Variants in KLRG1 observed in about 807,000 individuals in gnomAD.
KLRG1 encodes the protein killer cell lectin like receptor G1.
Under a neutral mutation model 21.8 loss-of-function variants are expected in KLRG1, and 16 were observed. That is an observed-to-expected ratio of 0.73 (90% CI 0.50 to 1.11). KLRG1 has a LOEUF of 1.11. KLRG1 is among the 50% of genes most tolerant of loss of function. The probability of loss-of-function intolerance (pLI) is 0.00; values close to 1 mark genes in which losing one functional copy is unlikely to be tolerated. For synonymous variants in KLRG1, 69 were observed against 75.9 expected, an observed-to-expected ratio of 0.91 and a Z score of 0.47; for missense variants, 173 against 218.3, an observed-to-expected ratio of 0.79 and a Z score of 1.31.
chr12:9,068,307 AG>A, the KLRG1 span: 1 of 1,425,160 alleles, frequency 7.0e-7, no homozygotes, highest in Admixed American at 2.0e-5. Flanking sequence ...ATACAGGCCA[AG>A]GAAGGAGTTT....
the KLRG1 span, chr12:9,200,798 G>T: frequency 7.5e-7 from 1 of 1,338,928 alleles, no homozygotes; most frequent in Non-Finnish European, 1.0e-6. Context: ...TCTACTGCAA[G>T]TTCAACATAT....
the KLRG1 span, among the ~76,000 whole-genome samples, chr12:9,023,676 C>G: frequency 2.0e-5 from 3 of 151,982 alleles, no homozygotes; most frequent in Middle Eastern, 6.8e-3. Context: ...TTGCCTCAGC[C>G]TCACAGCTAG....
At position 8,967,679 on chromosome 12, in the gene KLRG1, C is replaced by A. The variant is rs977033297; in HGVS notation, c.-156+17443C>A. Among the ~76,000 whole-genome samples, 27 of 152,056 alleles carry A rather than the reference C, an allele frequency of 1.8e-4. 1 individual carries two copies. Among genetic ancestry groups the A allele is most frequent in the African/African-American group, 6.3e-4 (26 of 41,402 alleles). Reference sequence around the variant, plus strand: ...AGGCTCAATATATGAAACAATGGTTCCATGTATTTTCTGCACTGCAGCCTG... The same window carrying A: ...AGGCTCAATATATGAAACAATGGTTACATGTATTTTCTGCACTGCAGCCTG... On this transcript the variant is annotated intron_variant, in intron 1 of 4. Transcript: ENST00000539240.
At chr12:9,188,026 T>C in the KLRG1 span, among the ~76,000 whole-genome samples, 1 of 152,200 alleles carries the variant, frequency 6.6e-6, no homozygotes, top group Non-Finnish European at 1.5e-5. Flanking sequence ...ACATAAAAAA[T>C]AGTCTGGCCA....
the KLRG1 span, chr12:9,089,245 CT>C: frequency 6.3e-7 from 1 of 1,585,322 alleles, no homozygotes; most frequent in Non-Finnish European, 8.6e-7. Flanking sequence ...TTCTCTAGTC[CT>C]TCAGGCTTTA....
chr12:9,078,646 C>A, the KLRG1 span, among the ~76,000 whole-genome samples: 1 of 152,184 alleles, frequency 6.6e-6, no homozygotes, highest in East Asian at 1.9e-4. Context: ...AACAAATTTA[C>A]ATTCAAGTAA....
chr12:9,053,565 A>T, the KLRG1 span, among the ~76,000 whole-genome samples: 4 of 151,874 alleles, frequency 2.6e-5, no homozygotes, highest in African/African-American at 2.4e-5. Context: ...ATCACCACTA[A>T]GGAAACCATC....
chr12:8,978,652 CTTTCT>C (rs1946700341), intron 1 of KLRG1, among the ~76,000 whole-genome samples: 3 of 134,300 alleles, frequency 2.2e-5, no homozygotes, highest in South Asian at 4.6e-4. Flanking sequence ...TTCTTTCTTT[CTTTCT>C]TTCTTTCTTT....
intron 3 of KLRG1, among the ~76,000 whole-genome samples, chr12:9,004,250 C>G (rs1407545883): frequency 6.6e-6 from 1 of 152,132 alleles, no homozygotes; most frequent in African/African-American, 2.4e-5. Flanking sequence ...AATGGTATTT[C>G]TAGTTCTAGA....
At chr12:8,982,492 A>G (rs74753972) in intron 1 of KLRG1, among the ~76,000 whole-genome samples, 51,195 of 152,026 alleles carry the variant, frequency 0.34, 8,952 homozygotes, top group Admixed American at 0.4. Context: ...GTGTTAGGTT[A>G]TGTGTTACAG....
At chr12:8,961,009 C>G (rs1946372400) in intron 1 of KLRG1, among the ~76,000 whole-genome samples, 1 of 152,102 alleles carries the variant, frequency 6.6e-6, no homozygotes, top group Non-Finnish European at 1.5e-5. Context: ...AATCCCTGTA[C>G]CAACTCAGCA....
At chr12:9,046,896 C>T in the KLRG1 span, among the ~76,000 whole-genome samples, 2 of 151,932 alleles carry the variant, frequency 1.3e-5, no homozygotes, top group African/African-American at 4.8e-5. Context: ...ACCTTGTCAC[C>T]CAGGTTGGAG....
the KLRG1 span, among the ~76,000 whole-genome samples, chr12:9,190,350 C>G: frequency 1.2e-3 from 185 of 152,250 alleles, no homozygotes; most frequent in Middle Eastern, 0.014. Flanking sequence ...TTTGCAGGAG[C>G]ATACATGGAG....
chr12:9,100,961 G>A, the KLRG1 span, among the ~76,000 whole-genome samples: 80 of 152,250 alleles, frequency 5.3e-4, no homozygotes, highest in African/African-American at 1.8e-3. Flanking sequence ...TATACTGCTC[G>A]GGTGATGGGT....
rs576577432 is a variant in KLRG1, at chr12:8,961,923, A to G, written c.-156+11687A>G. 2.6e-5 allele frequency among the ~76,000 whole-genome samples: 4 copies of G among 152,220 alleles called. No individual in the cohort carries two copies. The South Asian group carries it at 8.3e-4, about 32-fold the overall frequency. On this transcript the variant is annotated intron_variant, in intron 1 of 4. Transcript: ENST00000539240. ...TAACATAGGAAGACCTCATCTCTAC[A>G]AAAAATTTAAAAATTAGCCAGGCAT...
intron 1 of KLRG1, among the ~76,000 whole-genome samples, chr12:8,991,339 C>G (rs1159922026): frequency 6.6e-6 from 1 of 152,148 alleles, no homozygotes; most frequent in African/African-American, 2.4e-5. Flanking sequence ...TTAAACTTGG[C>G]ATCAACTTAA....
At chr12:9,038,070 G>A in the KLRG1 span, among the ~76,000 whole-genome samples, 41 of 152,188 alleles carry the variant, frequency 2.7e-4, no homozygotes, top group Non-Finnish European at 4.9e-4. Context: ...ACCAGCCTGG[G>A]CAGCACAGTG....
At chr12:9,176,878 G>A in the KLRG1 span, among the ~76,000 whole-genome samples, 3 of 152,246 alleles carry the variant, frequency 2.0e-5, no homozygotes, top group Non-Finnish European at 4.4e-5. Flanking sequence ...GTATCTAGAG[G>A]TATTGTACCT....
chr12:9,029,825 C>T, the KLRG1 span, among the ~76,000 whole-genome samples: 1 of 152,168 alleles, frequency 6.6e-6, no homozygotes, highest in Non-Finnish European at 1.5e-5. Flanking sequence ...GGCATGATCT[C>T]GGCTCACTGC....
Sources: gnomAD v4.1 joint callset for allele counts (sites outside exome capture counted in the v4.1 genomes callset) on GRCh38, gnomAD v4.1.1 for gene constraint, MANE v1.5 for transcripts, NCBI Gene and HGNC (gene_info 2026-07-23, HGNC 2026-07-21) for gene names.